DNAH9: variants seen among roughly 807,000 people sequenced by gnomAD.
DNAH9 encodes the protein DNAH9 variant protein.
DNAH9 carries 345 observed loss-of-function variants against 471.6 expected under a neutral mutation model. That is an observed-to-expected ratio of 0.73 (90% confidence interval 0.67 to 0.80). The LOEUF (loss-of-function observed/expected upper bound fraction) is 0.80. Ranked by LOEUF, DNAH9 falls within the 30% of genes least tolerant of loss-of-function variation. The pLI, the probability that DNAH9 is intolerant of heterozygous loss-of-function variation, is 0.00. For missense variants in DNAH9, 5,407 were observed against 5,609.2 expected (o/e 0.96, Z 1.15); for synonymous variants, 2,093 against 2,123.6 (o/e 0.99, Z 0.40).
At chr17:11,725,608 T>G (rs1315062928) in intron 27 of DNAH9, among the ~76,000 whole-genome samples, 1 of 152,168 alleles carries the variant, frequency 6.6e-6, no homozygotes, top group Non-Finnish European at 1.5e-5. Context: ...GGCTCACACC[T>G]GCAACTCAAA....
intron 50 of DNAH9, among the ~76,000 whole-genome samples, chr17:11,860,188 T>C (rs28525339): frequency 0.47 from 71,376 of 152,064 alleles, 17,284 homozygotes; most frequent in Non-Finnish European, 0.54. Flanking sequence ...TTACATTCTC[T>C]TGTTTTACAC....
At chr17:11,692,643 A>T (rs2074354230) in intron 20 of DNAH9, among the ~76,000 whole-genome samples, 1 of 152,180 alleles carries the variant, frequency 6.6e-6, no homozygotes, top group Admixed American at 6.5e-5. Flanking sequence ...CTCAAGGTCA[A>T]AATTATCTTA....
At chr17:11,779,940 T>C (rs1968608015) in intron 38 of DNAH9, among the ~76,000 whole-genome samples, 2 of 152,254 alleles carry the variant, frequency 1.3e-5, no homozygotes, top group Admixed American at 1.3e-4. Context: ...CATATGTCTA[T>C]TGACACTTTC....
intron 31 of DNAH9, among the ~76,000 whole-genome samples, chr17:11,746,710 G>A (rs972947): frequency 0.74 from 113,235 of 152,030 alleles, 42,779 homozygotes; most frequent in East Asian, 0.92. Context: ...TTTAAAAGGA[G>A]CTCAGAATCT....
intron 56 of DNAH9, chr17:11,884,374 C>T (rs1015557324): frequency 6.2e-6 from 2 of 320,446 alleles, no homozygotes; most frequent in South Asian, 2.6e-5. Context: ...AACCCCTGCT[C>T]TGTTCCAGCA....
At position 11,881,811 on chromosome 17, in the gene DNAH9, C is replaced by T. The variant is rs754690447; in HGVS notation, c.10806+398C>T. On this transcript the variant is annotated intron_variant, in intron 55 of 68. Transcript: ENST00000262442. ...CCTGTAGTCCTAGCTACTCGGGAAG[C>T]TGAGGCAGGAGAATCTCTTGAACCC... 3.0e-4 allele frequency among the ~76,000 whole-genome samples: 45 copies of T among 152,056 alleles called. 1 individual carries two copies. Among genetic ancestry groups the T allele is most frequent in the Non-Finnish European group, 4.3e-4 (29 of 68,016 alleles).
chr17:11,890,111 TAAATAAC>T (rs1166955673), intron 57 of DNAH9, among the ~76,000 whole-genome samples: 1 of 152,238 alleles, frequency 6.6e-6, no homozygotes, highest in Non-Finnish European at 1.5e-5. Flanking sequence ...TGTTTAAACT[TAAATAAC>T]AAAGAGATTC....
chr17:11,733,378 G>A (rs974079001), intron 28 of DNAH9, among the ~76,000 whole-genome samples: 1 of 152,174 alleles, frequency 6.6e-6, no homozygotes, highest in African/African-American at 2.4e-5. Context: ...CAGACACAAG[G>A]CCCTAGCCTG....
At chr17:11,866,679 G>A (rs1025792549) in intron 50 of DNAH9, among the ~76,000 whole-genome samples, 3 of 152,210 alleles carry the variant, frequency 2.0e-5, no homozygotes, top group Non-Finnish European at 2.9e-5. Flanking sequence ...CCACCCAGTT[G>A]GAGCTTTCCA....
At chr17:11,727,413 TG>T (rs906581322) in intron 27 of DNAH9, among the ~76,000 whole-genome samples, 5 of 152,144 alleles carry the variant, frequency 3.3e-5, no homozygotes, top group African/African-American at 1.2e-4. Context: ...CTGGAAAACC[TG>T]GGTGGTTGGG....
chr17:11,738,561 A>C (rs1162778406), intron 28 of DNAH9, among the ~76,000 whole-genome samples: 1 of 152,108 alleles, frequency 6.6e-6, no homozygotes, highest in Non-Finnish European at 1.5e-5. Context: ...TTGTATTTTT[A>C]GTAGAGACGG....
intron 41 of DNAH9, among the ~76,000 whole-genome samples, chr17:11,786,488 T>C (rs1328805410): frequency 6.6e-6 from 1 of 152,164 alleles, no homozygotes; most frequent in Non-Finnish European, 1.5e-5. Context: ...TCTGTAATAA[T>C]AGCCAACATT....
chr17:11,740,534 C>T (rs2075416882), intron 29 of DNAH9, among the ~76,000 whole-genome samples: 1 of 152,176 alleles, frequency 6.6e-6, no homozygotes, highest in South Asian at 2.1e-4. Flanking sequence ...CTTCCAAAGG[C>T]CCATCTCCAA....
chr17:11,919,505 G>GAA (rs1221694573), intron 61 of DNAH9, among the ~76,000 whole-genome samples: 53 of 100,330 alleles, frequency 5.3e-4, no homozygotes, highest in South Asian at 1.9e-3. Flanking sequence ...AAAAAAAAAA[G>GAA]AAAAAAAAAA....
intron 28 of DNAH9, 150 bp downstream of exon 28, chr17:11,728,072 T>A: frequency 1.6e-6 from 1 of 616,646 alleles, no homozygotes. Context: ...AAAATCAGGC[T>A]CCAGGGAAGC....
intron 26 of DNAH9, among the ~76,000 whole-genome samples, chr17:11,711,891 TATAAATATATATATTTG>T (rs1259887638): frequency 2.3e-4 from 3 of 13,232 alleles, no homozygotes; most frequent in South Asian, 1.1e-3. Flanking sequence ...TATATTTATA[TATAAATATATATATTTG>T]TATATATATT....
chr17:11,784,921 G>A (rs980141526), intron 41 of DNAH9, among the ~76,000 whole-genome samples: 2 of 151,908 alleles, frequency 1.3e-5, no homozygotes, highest in South Asian at 2.1e-4. Context: ...TATTGATCTC[G>A]GGATGAAAAA....
chr17:11,906,186 C>A lies in DNAH9; in HGVS notation c.11749+377C>A, dbSNP rs567604845. 5.9e-5 allele frequency among the ~76,000 whole-genome samples: 9 copies of A among 152,192 alleles called. No homozygotes were observed. The South Asian group carries it at 8.3e-4, about 14-fold the overall frequency. The stretch of plus-strand genomic sequence containing the variant: ...AGAAATACCATTTGATGCAGCTATC[C>A]CATTACTGATTATATACCCAAAGGA... On this transcript the variant is annotated intron_variant, in intron 61 of 68. Coordinates refer to ENST00000262442, the MANE Select transcript of DNAH9 (RefSeq NM_001372.4).
In DNAH9 at chr17:11,883,761, T is replaced by A. The variant is rs1567874358; in HGVS notation, c.10971+11T>A. ...GAAGTTGAGAAAAAGGTAAAACTCC[T>A]CTGGCTAGTCTGGGAAGGCAGCCTA... is the stretch of plus-strand genomic sequence containing the variant. On this transcript the variant is annotated intron_variant, in intron 56 of 68. Transcript: ENST00000262442. 6.2e-7 allele frequency: 1 copy of A among 1,611,242 alleles called. No homozygotes were observed. The highest frequency in any genetic ancestry group is 1.7e-5 in the Admixed American group (1 of 59,760).
Sources: gnomAD v4.1 joint callset for allele counts (sites outside exome capture counted in the v4.1 genomes callset) on GRCh38, gnomAD v4.1.1 for gene constraint, MANE v1.5 for transcripts, NCBI Gene and HGNC (gene_info 2026-07-23, HGNC 2026-07-21) for gene names.